PCDH15: variants seen among roughly 807,000 people sequenced by gnomAD.
PCDH15 encodes the protein protocadherin-15.
PCDH15 carries 129 observed loss-of-function variants against 178.5 expected under a neutral mutation model. The ratio of observed to expected loss-of-function variants is 0.72; its 90% CI spans 0.63 to 0.84. The LOEUF is 0.84. Ranked by LOEUF, PCDH15 falls within the 40% of genes least tolerant of loss-of-function variation. PCDH15 has a pLI of 0.00. For synonymous variants in PCDH15, 800 were observed against 732.0 expected (o/e 1.09, Z -1.50); for missense variants, 2,230 against 2,099.9 (o/e 1.06, Z -1.21).
intron 2 of PCDH15, among the ~76,000 whole-genome samples, chr10:54,597,409 GAT>G (rs1353157740): frequency 4.6e-5 from 7 of 152,096 alleles, no homozygotes; most frequent in African/African-American, 1.7e-4. Flanking sequence ...TGAGAACAAA[GAT>G]ATAATATACC....
intron 8 of PCDH15, among the ~76,000 whole-genome samples, chr10:54,238,951 C>T (rs2054935846): frequency 6.6e-6 from 1 of 152,012 alleles, no homozygotes; most frequent in Non-Finnish European, 1.5e-5. Flanking sequence ...AAAACCGAGG[C>T]TCTATTTGGA....
chr10:54,281,011 A>T (rs2058671932), intron 8 of PCDH15, among the ~76,000 whole-genome samples: 1 of 151,930 alleles, frequency 6.6e-6, no homozygotes, highest in South Asian at 2.1e-4. Context: ...GTATGTATAT[A>T]TACACAGAAA....
At chr10:54,269,830 G>T (rs1275013667) in intron 8 of PCDH15, among the ~76,000 whole-genome samples, 2 of 151,754 alleles carry the variant, frequency 1.3e-5, no homozygotes, top group African/African-American at 4.8e-5. Context: ...AACTATTTCT[G>T]GAACACCACT....
chr10:54,888,137 G>A (rs559619472), intron 3 of PCDH15, among the ~76,000 whole-genome samples: 13 of 152,218 alleles, frequency 8.5e-5, no homozygotes, highest in African/African-American at 2.9e-4. Flanking sequence ...GATAAAGGAC[G>A]TATGTATCAC....
intron 15 of PCDH15, among the ~76,000 whole-genome samples, chr10:54,129,232 T>G (rs1207382082): frequency 6.6e-6 from 1 of 152,066 alleles, no homozygotes; most frequent in African/African-American, 2.4e-5. Context: ...CAGCTGACAT[T>G]CAGTAACATA....
intron 1 of PCDH15, among the ~76,000 whole-genome samples, chr10:55,286,320 G>A (rs1030855106): frequency 6.6e-6 from 1 of 151,630 alleles, no homozygotes; most frequent in Admixed American, 6.6e-5. Flanking sequence ...AAATTTTACT[G>A]TCAGTCCCCT....
intron 25 of PCDH15, among the ~76,000 whole-genome samples, chr10:53,927,628 T>C (rs1169182205): frequency 6.6e-6 from 1 of 152,110 alleles, no homozygotes; most frequent in Non-Finnish European, 1.5e-5. Context: ...CATTAGAACA[T>C]GGCATCAAAC....
chr10:53,869,573 G>A (rs1405215206), intron 26 of PCDH15, among the ~76,000 whole-genome samples: 1 of 152,076 alleles, frequency 6.6e-6, no homozygotes, highest in Non-Finnish European at 1.5e-5. Context: ...CATGCAAAAA[G>A]TGTACAAATT....
intron 1 of PCDH15, among the ~76,000 whole-genome samples, chr10:55,186,685 C>T (rs956989432): frequency 4.0e-5 from 6 of 151,710 alleles, no homozygotes; most frequent in African/African-American, 1.4e-4. Context: ...GTGCCATGCA[C>T]AACCATGTAC....
intron 2 of PCDH15, among the ~76,000 whole-genome samples, chr10:55,341,323 T>G (rs1003398484): frequency 6.6e-6 from 1 of 152,024 alleles, no homozygotes; most frequent in African/African-American, 2.4e-5. Flanking sequence ...ATGAAAAAAG[T>G]CTTTACCTAT....
rs141092257 is a variant in PCDH15, at chr10:55,585,600, C to T, written c.-156+42025G>A. ...CTGAGGCAGGAGAATCGCTTGATCC[C>T]AGGAGATGGAGGTTGCATTGAGCCG... On this transcript the variant is annotated intron_variant, in intron 2 of 5. Coordinates refer to the PCDH15 transcript ENST00000613346. Among the ~76,000 whole-genome samples, 581 of 152,118 alleles carry T rather than the reference C, an allele frequency of 3.8e-3. 3 individuals are homozygous for T. Among genetic ancestry groups the T allele is most frequent in the African/African-American group, 0.013 (553 of 41,520 alleles).
intron 1 of PCDH15, among the ~76,000 whole-genome samples, chr10:55,240,305 T>C (rs1241393060): frequency 6.6e-6 from 1 of 152,210 alleles, no homozygotes; most frequent in Admixed American, 6.5e-5. Context: ...CTATACTCTA[T>C]CATTGATTCT....
intron 1 of PCDH15, among the ~76,000 whole-genome samples, chr10:55,211,593 T>C (rs1840573613): frequency 6.6e-6 from 1 of 152,110 alleles, no homozygotes; most frequent in African/African-American, 2.4e-5. Context: ...TATATGACCT[T>C]GAATATATTT....
intron 2 of PCDH15, among the ~76,000 whole-genome samples, chr10:55,154,363 G>A (rs1467922296): frequency 6.6e-6 from 1 of 152,110 alleles, no homozygotes; most frequent in Non-Finnish European, 1.5e-5. Flanking sequence ...TCATGTATAT[G>A]AATGGAGAAC....
At chr10:55,505,459 G>A (rs1431423686) in intron 2 of PCDH15, among the ~76,000 whole-genome samples, 4 of 151,318 alleles carry the variant, frequency 2.6e-5, no homozygotes, top group South Asian at 2.1e-4. Flanking sequence ...TAGTAGACAA[G>A]GACATGGTGA....
At chr10:53,985,421 T>C (rs2134692488) in intron 21 of PCDH15, among the ~76,000 whole-genome samples, 1 of 152,302 alleles carries the variant, frequency 6.6e-6, no homozygotes, top group Non-Finnish European at 1.5e-5. Context: ...TTCCTGACAG[T>C]GGCATTGTCT....
intron 10 of PCDH15, among the ~76,000 whole-genome samples, chr10:54,198,525 A>G (rs12779778): frequency 0.77 from 31,989 of 41,378 alleles, 13,585 homozygotes; most frequent in East Asian, 0.96. Context: ...TTTTTGAGAC[A>G]AAGTCTCGCT....
chr10:55,503,808 T>C (rs995680015), intron 2 of PCDH15, among the ~76,000 whole-genome samples: 1 of 151,482 alleles, frequency 6.6e-6, no homozygotes, highest in Admixed American at 6.6e-5. Flanking sequence ...TTATCATTCA[T>C]AGCAAAATGG....
In PCDH15 at chr10:55,437,832, C is replaced by CTTTT. The variant is rs778307616; in HGVS notation, c.-156+189789_-156+189792dup. 3.1e-4 allele frequency among the ~76,000 whole-genome samples: 26 copies of CTTTT among 85,170 alleles called. 1 individual carries two copies. Among genetic ancestry groups the CTTTT allele is most frequent in the Admixed American group, 4.2e-4 (3 of 7,174 alleles). 55.9% of individuals were successfully genotyped at this position (85,170 alleles called of 152,430 possible). ...CCAAATTGTCTTTCTTATTGCTTTT[C>CTTTT]TTTTTTTTTTTTTTTTTTTTTTCAG... On this transcript the variant is annotated intron_variant, in intron 2 of 5. Transcript: ENST00000613346.
Sources: allele counts gnomAD v4.1 joint callset (sites outside exome capture counted in the v4.1 genomes callset), GRCh38; gene constraint gnomAD v4.1.1; transcripts MANE v1.5; gene names NCBI Gene and HGNC (gene_info 2026-07-23, HGNC 2026-07-21).